PODXL: variants seen among roughly 807,000 people sequenced by gnomAD.
PODXL encodes podocalyxin like.
A neutral mutation model predicts 48.9 loss-of-function variants in PODXL; 20 were observed. The ratio of observed to expected loss-of-function variants is 0.41; its 90% confidence interval spans 0.29 to 0.59. PODXL has a LOEUF of 0.59. PODXL is among the 20% of genes least tolerant of loss of function. PODXL has a pLI of 0.31. For missense variants in PODXL, 606 were observed against 675.1 expected (o/e 0.90, Z 1.13); for synonymous variants, 295 against 287.4 (o/e 1.03, Z -0.27).
At chr7:131,521,453 G>A (rs1203836428) in intron 1 of PODXL, among the ~76,000 whole-genome samples, 3 of 151,136 alleles carry the variant, frequency 2.0e-5, no homozygotes, top group African/African-American at 7.3e-5. Context: ...GTGATTCTCC[G>A]GCCTCAGCCT....
intron 1 of PODXL, among the ~76,000 whole-genome samples, chr7:131,537,312 T>TA (rs35657411): frequency 0.32 from 45,851 of 144,798 alleles, 7,580 homozygotes; most frequent in Admixed American, 0.49. Context: ...CCTGTTTTTT[T>TA]AAAAAAAAAA....
intron 1 of PODXL, among the ~76,000 whole-genome samples, chr7:131,523,478 C>T (rs1798121222): frequency 1.3e-5 from 2 of 151,700 alleles, no homozygotes; most frequent in African/African-American, 2.4e-5. Context: ...GTCAGGAGAT[C>T]GAGACCATCC....
chr7:131,513,803 A>G (rs901854841), intron 1 of PODXL, among the ~76,000 whole-genome samples: 2 of 152,234 alleles, frequency 1.3e-5, no homozygotes, highest in African/African-American at 4.8e-5. Context: ...TGTGGCCTCC[A>G]GCAATCCCAG....
chr7:131,533,662 T>C (rs536735351), intron 1 of PODXL, among the ~76,000 whole-genome samples: 15 of 152,150 alleles, frequency 9.9e-5, no homozygotes, highest in Non-Finnish European at 2.1e-4. Flanking sequence ...AAGTCCTCAT[T>C]CTTTCCTGTC....
intron 1 of PODXL, among the ~76,000 whole-genome samples, chr7:131,554,615 T>C (rs1798716451): frequency 6.6e-6 from 1 of 152,208 alleles, no homozygotes; most frequent in Admixed American, 6.5e-5. Flanking sequence ...GTCAGAGCTT[T>C]GCCCACTGGT....
At chr7:131,547,462 G>C (rs1182923935) in intron 1 of PODXL, among the ~76,000 whole-genome samples, 1 of 150,156 alleles carries the variant, frequency 6.7e-6, no homozygotes, top group East Asian at 2.0e-4. Flanking sequence ...TTTAGCCCTT[G>C]CTATGGAGGA....
Position 131,502,702 on chromosome 7 carries a change from A to G in PODXL, c.*1609T>C, listed in dbSNP as rs1797727057. The G allele has an allele frequency of 6.6e-6, 1 of 152,628 alleles. No homozygotes were observed. The highest frequency in any genetic ancestry group is 1.5e-5 in the Non-Finnish European group (1 of 68,054). 9.5% of individuals were successfully genotyped at this position (152,628 alleles called of 1,614,324 possible). A position where few individuals can be genotyped will look rare whatever the true frequency, so the allele number is the denominator to read the frequency against. ...ATTTACGCCCAGAACGATGGAGACC[A>G]TGGCGAAAGTTCAACATTCCACACA... On this transcript the variant is annotated 3_prime_UTR_variant, in exon 9 of 9. Transcript: ENST00000378555.
intron 1 of PODXL, among the ~76,000 whole-genome samples, chr7:131,532,149 C>T (rs1195212125): frequency 6.9e-6 from 1 of 145,196 alleles, no homozygotes; most frequent in East Asian, 2.1e-4. Flanking sequence ...ATCATCATCA[C>T]ACGTGGCCGG....
At chr7:131,507,959 T>C (rs563338542) in intron 5 of PODXL, among the ~76,000 whole-genome samples, 3 of 152,360 alleles carry the variant, frequency 2.0e-5, no homozygotes, top group African/African-American at 7.2e-5. Context: ...GCCCAAATTC[T>C]CCATCCTATC....
intron 1 of PODXL, among the ~76,000 whole-genome samples, chr7:131,549,148 A>T (rs949528491): frequency 3.3e-5 from 5 of 152,080 alleles, no homozygotes; most frequent in African/African-American, 1.2e-4. Context: ...GGAGGAAAAG[A>T]GTGTGCTGGG....
At position 131,510,882 on chromosome 7, in the gene PODXL, T is replaced by C. The variant is rs942701994; in HGVS notation, c.652A>G (p.Thr218Ala). The C allele has an allele frequency of 1.9e-6, 3 of 1,614,164 alleles. No homozygotes were observed. The highest frequency in any genetic ancestry group is 1.7e-5 in the Admixed American group (1 of 60,020). The change falls in exon 2 of 9, where the codon ACT becomes GCT. Residue 218 changes from threonine (T) to alanine (A), a missense_variant. Thr to Ala is a moderately conservative substitution (Grantham distance 58). Transcript: ENST00000378555. ...AAGGTGTAGCCAGGGATAGCCACAG[T>C]GCTTGAACTGCTTGAAATTTTCATA... ...HLMKISSSSSTVAIPGYTFTS... is the reference protein window; with the variant it reads ...HLMKISSSSSAVAIPGYTFTS...
At chr7:131,545,922 C>G (rs1798567783) in intron 1 of PODXL, among the ~76,000 whole-genome samples, 1 of 152,262 alleles carries the variant, frequency 6.6e-6, no homozygotes, top group African/African-American at 2.4e-5. Flanking sequence ...TCATATGGTG[C>G]TAGCCCAGAC....
At chr7:131,509,948 A>G (rs555402549) in intron 3 of PODXL, among the ~76,000 whole-genome samples, 1 of 152,342 alleles carries the variant, frequency 6.6e-6, no homozygotes, top group East Asian at 1.9e-4. Context: ...ATGGCAGGGC[A>G]GGGATTCGAA....
intron 5 of PODXL, 170 bp from the exon 6 acceptor site, chr7:131,506,896 C>T: frequency 1.5e-6 from 1 of 663,326 alleles, no homozygotes; most frequent in Non-Finnish European, 2.6e-6. Flanking sequence ...TCAAGGGTTG[C>T]ATGCTGTTCT....
intron 1 of PODXL, among the ~76,000 whole-genome samples, chr7:131,536,980 C>T (rs1378797443): frequency 2.0e-5 from 3 of 151,992 alleles, no homozygotes; most frequent in Non-Finnish European, 4.4e-5. Flanking sequence ...CAAAAATGAG[C>T]TGGGTGTGGT....
intron 1 of PODXL, among the ~76,000 whole-genome samples, chr7:131,545,166 CATA>C (rs1344177963): frequency 6.6e-6 from 1 of 152,192 alleles, no homozygotes; most frequent in African/African-American, 2.4e-5. Flanking sequence ...CACACACTTC[CATA>C]ATTCTTTTAA....
chr7:131,549,481 AG>A (rs1412769955), intron 1 of PODXL, among the ~76,000 whole-genome samples: 1 of 152,194 alleles, frequency 6.6e-6, no homozygotes, highest in African/African-American at 2.4e-5. Context: ...CATGAATTTC[AG>A]GTAAGAAGGA....
intron 1 of PODXL, among the ~76,000 whole-genome samples, 179 bp from the exon 2 acceptor site, chr7:131,511,612 CT>C (rs1163673176): frequency 2.7e-5 from 4 of 150,138 alleles, no homozygotes; most frequent in East Asian, 2.0e-4. Flanking sequence ...TTTTTTCTGT[CT>C]TTTTTTTTTC....
chr7:131,533,611 G>A (rs1208105213), intron 1 of PODXL, among the ~76,000 whole-genome samples: 1 of 152,178 alleles, frequency 6.6e-6, no homozygotes, highest in Non-Finnish European at 1.5e-5. Context: ...CAGATCACCT[G>A]TAAGAAGCCC....
Sources: gnomAD v4.1 joint callset for allele counts (sites outside exome capture counted in the v4.1 genomes callset) on GRCh38, gnomAD v4.1.1 for gene constraint, MANE v1.5 for transcripts, NCBI Gene and HGNC (gene_info 2026-07-23, HGNC 2026-07-21) for gene names.